Variants in P4HA1 observed in about 807,000 individuals in gnomAD.
P4HA1 encodes the protein prolyl 4-hydroxylase subunit alpha-1.
A neutral mutation model predicts 72.8 loss-of-function variants in P4HA1; 24 were observed. The observed-to-expected ratio is 0.33, with a 90% CI of 0.24 to 0.46. The LOEUF is 0.46. P4HA1 is among the 20% of genes least tolerant of loss of function. The pLI, the probability that P4HA1 is intolerant of heterozygous loss-of-function variation, is 1.00. For missense variants in P4HA1, 446 were observed against 640.6 expected (o/e 0.70, Z 3.28); for synonymous variants, 201 against 218.8 (o/e 0.92, Z 0.72).
At chr10:73,088,717 A>C (rs1262165383) in intron 1 of P4HA1, among the ~76,000 whole-genome samples, 2 of 152,246 alleles carry the variant, frequency 1.3e-5, no homozygotes, top group Non-Finnish European at 2.9e-5. Flanking sequence ...CAAATAAAAC[A>C]AAGATTGTTT....
chr10:73,067,875 C>G (rs1322050692), intron 5 of P4HA1, among the ~76,000 whole-genome samples: 1 of 152,048 alleles, frequency 6.6e-6, no homozygotes, highest in Admixed American at 6.6e-5. Context: ...TGTTAAATAC[C>G]CTAATGGCGA....
intron 10 of P4HA1, among the ~76,000 whole-genome samples, chr10:73,021,649 G>A (rs1278009453): frequency 6.6e-6 from 1 of 152,198 alleles, no homozygotes; most frequent in Non-Finnish European, 1.5e-5. Flanking sequence ...TGGACAGTGG[G>A]TGCAGACCAT....
chr10:73,085,191 C>T (rs1407848694), intron 1 of P4HA1, among the ~76,000 whole-genome samples: 8 of 151,896 alleles, frequency 5.3e-5, no homozygotes, highest in Admixed American at 2.6e-4. Context: ...TTAATCATAA[C>T]GCCTAGGCAA....
chr10:73,025,068 G>C (rs1159668899), intron 10 of P4HA1, among the ~76,000 whole-genome samples: 1 of 152,176 alleles, frequency 6.6e-6, no homozygotes, highest in Non-Finnish European at 1.5e-5. Context: ...AGAGGAGCTG[G>C]TACCATTCCT....
At chr10:73,045,096 C>G in intron 8 of P4HA1, 45 bp from the exon 9 acceptor site, 1 of 1,513,946 alleles carries the variant, frequency 6.6e-7, no homozygotes, top group Admixed American at 1.7e-5. Context: ...AAACAAAAAA[C>G]TGAATCACAT....
intron 1 of P4HA1, among the ~76,000 whole-genome samples, chr10:73,081,165 A>C (rs981885830): frequency 1.3e-5 from 2 of 152,224 alleles, no homozygotes; most frequent in African/African-American, 4.8e-5. Flanking sequence ...CTCCTTTAAA[A>C]GAAAGACTAA....
chr10:73,038,187 G>A (rs765296974), intron 9 of P4HA1, among the ~76,000 whole-genome samples: 86 of 152,146 alleles, frequency 5.7e-4, no homozygotes, highest in Non-Finnish European at 2.6e-4. Context: ...CCTGGGAGGT[G>A]GAGGCTGTAG....
intron 6 of P4HA1, among the ~76,000 whole-genome samples, chr10:73,052,285 G>C (rs992704785): frequency 6.6e-6 from 1 of 151,904 alleles, no homozygotes; most frequent in African/African-American, 2.4e-5. Context: ...TAAGTGTTTA[G>C]GATACCTAGG....
At chr10:73,026,626 A>C (rs1278457802) in intron 10 of P4HA1, among the ~76,000 whole-genome samples, 1 of 152,236 alleles carries the variant, frequency 6.6e-6, no homozygotes, top group Non-Finnish European at 1.5e-5. Flanking sequence ...TAAACTAAAG[A>C]GCTTCTGCAT....
chr10:73,008,808 A>C lies in P4HA1; in HGVS notation c.1535-516T>G, dbSNP rs548874165. ...TGTATACCATGTAAAAATGTATCCC[A>C]AAAGCAGTTAATTTTCTATTTTTTT... On this transcript the variant is annotated intron_variant, in intron 14 of 14. Transcript: ENST00000394890. Among the ~76,000 whole-genome samples, 6 of 149,822 alleles carry C rather than the reference A, an allele frequency of 4.0e-5. No homozygotes were observed. The East Asian group carries it at 1.2e-3, about 30-fold the overall frequency.
intron 1 of P4HA1, among the ~76,000 whole-genome samples, chr10:73,076,802 T>C (rs1841706852): frequency 6.6e-6 from 1 of 152,198 alleles, no homozygotes; most frequent in African/African-American, 2.4e-5. Flanking sequence ...TTACCCTGAC[T>C]TGTCAACCTG....
chr10:73,039,129 T>A (rs1293454209), intron 9 of P4HA1, among the ~76,000 whole-genome samples: 3 of 151,934 alleles, frequency 2.0e-5, no homozygotes, highest in South Asian at 2.1e-4. Context: ...AATAAAAAAT[T>A]AAAAATTATC....
chr10:73,085,347 G>A lies in P4HA1; in HGVS notation c.-32-10432C>T, dbSNP rs118156325. Among the ~76,000 whole-genome samples, 30 of 152,010 alleles carry A rather than the reference G, an allele frequency of 2.0e-4. No homozygotes were observed. In the East Asian group the frequency reaches 4.1e-3, roughly 21 times the overall value. The stretch of plus-strand genomic sequence containing the variant: ...CGAATCACATTTCCGATAGCATCAG[G>A]TTTAGTATCCAAATATATAAAGAAC... On this transcript the variant is annotated intron_variant, in intron 1 of 14. Transcript: ENST00000394890.
intron 7 of P4HA1, among the ~76,000 whole-genome samples, chr10:73,050,511 C>T (rs1277090715): frequency 6.6e-6 from 1 of 151,770 alleles, no homozygotes; most frequent in Non-Finnish European, 1.5e-5. Context: ...ACCAGCCTGG[C>T]CAACATGGTG....
intron 5 of P4HA1, among the ~76,000 whole-genome samples, chr10:73,060,588 G>A (rs1386631180): frequency 6.6e-6 from 1 of 152,048 alleles, no homozygotes; most frequent in Non-Finnish European, 1.5e-5. Flanking sequence ...TATCTCTTAA[G>A]GGGGGAAAAA....
intron 10 of P4HA1, among the ~76,000 whole-genome samples, chr10:73,019,062 TA>T (rs1840074441): frequency 6.6e-6 from 1 of 151,750 alleles, no homozygotes; most frequent in Admixed American, 6.6e-5. Context: ...TCCCACTGGC[TA>T]AAACTCCCTA....
chr10:73,027,838 A>G (rs1242394956), intron 10 of P4HA1, among the ~76,000 whole-genome samples: 7 of 113,518 alleles, frequency 6.2e-5, no homozygotes, highest in Non-Finnish European at 1.0e-4. Flanking sequence ...GAGAGGAAGG[A>G]AGGGAGGGAG....
At chr10:73,018,346 A>C (rs1221687305) in intron 10 of P4HA1, among the ~76,000 whole-genome samples, 2 of 152,210 alleles carry the variant, frequency 1.3e-5, no homozygotes. Flanking sequence ...AGTAGTACCC[A>C]GAGACCCAGG....
At position 73,008,061 on chromosome 10, in the gene P4HA1, C is replaced by T; in HGVS notation, c.*161G>A. The T allele has an allele frequency of 2.4e-6, 1 of 408,628 alleles. No homozygotes were observed. Among genetic ancestry groups the T allele is most frequent in the South Asian group, 7.1e-5 (1 of 14,130 alleles). The allele number at this position is 408,628 out of a possible 1,614,324, so 25.3% of individuals were successfully genotyped here. A position where few individuals can be genotyped will look rare whatever the true frequency, so the allele number is the denominator to read the frequency against. ...TTCGTGTTACTTTTAAAAGAACCCACAAAGTAAGCAATTGTCCACAGATGA... is the reference window on the plus strand; with the variant it reads ...TTCGTGTTACTTTTAAAAGAACCCATAAAGTAAGCAATTGTCCACAGATGA... On this transcript the variant is annotated 3_prime_UTR_variant, in exon 15 of 15. Coordinates refer to ENST00000394890, the MANE Select transcript of P4HA1 (RefSeq NM_001017962.3).
Sources: gnomAD v4.1 joint callset for allele counts (sites outside exome capture counted in the v4.1 genomes callset) on GRCh38, gnomAD v4.1.1 for gene constraint, MANE v1.5 for transcripts, NCBI Gene and HGNC (gene_info 2026-07-23, HGNC 2026-07-21) for gene names.